The following DPY19L1 variants were observed in gnomAD, a reference collection of about 807,000 sequenced individuals.
DPY19L1 encodes the protein protein C-mannosyl-transferase DPY19L1.
In DPY19L1, 35 loss-of-function variants were observed where a neutral mutation model predicts 96.9. That is an observed-to-expected ratio of 0.36 (90% CI 0.28 to 0.48). The LOEUF (loss-of-function observed/expected upper bound fraction) is 0.48, where lower values mean the gene tolerates loss of function less well. Ranked by LOEUF, DPY19L1 falls within the 20% of genes least tolerant of loss-of-function variation. The pLI is 0.99. For synonymous variants in DPY19L1, 205 were observed against 252.6 expected, an observed-to-expected ratio of 0.81 and a Z score of 1.79; for missense variants, 521 against 777.9, an observed-to-expected ratio of 0.67 and a Z score of 3.93.
At chr7:34,980,591 CAT>C (rs1357232249) in intron 7 of DPY19L1, among the ~76,000 whole-genome samples, 1 of 151,984 alleles carries the variant, frequency 6.6e-6, no homozygotes, top group Non-Finnish European at 1.5e-5. Flanking sequence ...AAAGAGTTCC[CAT>C]ATATGAATAA....
In DPY19L1 at chr7:35,034,215, A is replaced by T. The variant is rs181768157; in HGVS notation, c.298+2882T>A. Among the ~76,000 whole-genome samples, 6 of 152,318 alleles carry T rather than the reference A, an allele frequency of 3.9e-5. No homozygotes were observed. In the East Asian group the frequency reaches 7.7e-4, roughly 20 times the overall value. On this transcript the variant is annotated intron_variant, in intron 1 of 21. Transcript: ENST00000638088. ...CTCATGTTAGTCTTTCACCACAGACATGCTTTGTTTGCATGTCTAATGGGT... is the reference window on the plus strand; with the variant it reads ...CTCATGTTAGTCTTTCACCACAGACTTGCTTTGTTTGCATGTCTAATGGGT...
At position 34,969,422 on chromosome 7, in the gene DPY19L1, A is replaced by AT; in HGVS notation, c.1014+10_1014+11insA. 1 of 1,439,086 alleles carries AT rather than the reference A, an allele frequency of 6.9e-7. No homozygotes were observed. Among genetic ancestry groups the AT allele is most frequent in the Non-Finnish European group, 9.3e-7 (1 of 1,080,972 alleles). The allele number at this position is 1,439,086 out of a possible 1,614,324, so 89.1% of individuals were successfully genotyped here. A position where few individuals can be genotyped will look rare whatever the true frequency, so the allele number is the denominator to read the frequency against. On this transcript the variant is annotated intron_variant, in intron 9 of 21. Coordinates refer to ENST00000638088, the MANE Select transcript of DPY19L1 (RefSeq NM_001366673.1). ...CTAAGCTTAAAACAGCTTAAAATAT[A>AT]ATCACCTCACCTGAGTAAGAAGTAC...
rs112579828 is a variant in DPY19L1, at chr7:35,029,032, G to C, written c.298+8065C>G. Among the ~76,000 whole-genome samples the C allele has an allele frequency of 3.2e-3, 482 of 152,268 alleles. 3 individuals are homozygous for C. The highest frequency in any genetic ancestry group is 0.011 in the African/African-American group (472 of 41,554). ...TTGGCTGGCTTCTTTACCGCATGCT[G>C]TTTTATCAGCAGGGTCTTTGTGACC... On this transcript the variant is annotated intron_variant, in intron 1 of 21. Coordinates refer to ENST00000638088, the MANE Select transcript of DPY19L1 (RefSeq NM_001366673.1).
rs544679935 is a variant in DPY19L1 at position 34,943,684 on chromosome 7, T to C, written c.1545-1045A>G. Among the ~76,000 whole-genome samples, 47 of 152,286 alleles carry C rather than the reference T, an allele frequency of 3.1e-4. 3 individuals are homozygous for C. The highest frequency in any genetic ancestry group is 2.9e-3 in the East Asian group (15 of 5,180). On this transcript the variant is annotated intron_variant, in intron 16 of 21. Transcript: ENST00000638088. ...CTCTGATCCTATTTGAACTGACAAC[T>C]CCATGAAGCTCAATGGTTTCCTATA...
chr7:34,950,296 A>G (rs1251604621), intron 13 of DPY19L1, among the ~76,000 whole-genome samples: 1 of 152,202 alleles, frequency 6.6e-6, no homozygotes, highest in African/African-American at 2.4e-5. Flanking sequence ...AGAAAAAGAA[A>G]TACGAATTCT....
chr7:34,997,050 G>T (rs1293214570), intron 6 of DPY19L1, among the ~76,000 whole-genome samples: 1 of 152,110 alleles, frequency 6.6e-6, no homozygotes, highest in African/African-American at 2.4e-5. Flanking sequence ...AGAGGAAAGA[G>T]GAAAGTCATG....
intron 13 of DPY19L1, among the ~76,000 whole-genome samples, chr7:34,951,666 T>G (rs1388897343): frequency 1.3e-5 from 2 of 150,968 alleles, no homozygotes; most frequent in Admixed American, 1.3e-4. Flanking sequence ...CAAAAAGAAG[T>G]AAGAATAAGA....
intron 7 of DPY19L1, among the ~76,000 whole-genome samples, chr7:34,975,407 T>C (rs1360740508): frequency 3.9e-5 from 6 of 152,200 alleles, no homozygotes; most frequent in Non-Finnish European, 7.3e-5. Flanking sequence ...TTCAATTCTA[T>C]GAAGGCTGAG....
chr7:34,964,243 T>C (rs1164891168), intron 10 of DPY19L1, among the ~76,000 whole-genome samples: 1 of 152,122 alleles, frequency 6.6e-6, no homozygotes, highest in Non-Finnish European at 1.5e-5. Flanking sequence ...ATAAAGTATG[T>C]ATCATTTACC....
chr7:35,031,754 C>T (rs539202233), intron 1 of DPY19L1, among the ~76,000 whole-genome samples: 1 of 152,154 alleles, frequency 6.6e-6, no homozygotes, highest in East Asian at 1.9e-4. Flanking sequence ...TAATGAGCAT[C>T]ACATATTCAG....
chr7:34,954,687 A>T lies in DPY19L1; in HGVS notation c.1320+11T>A, dbSNP rs757944728. On this transcript the variant is annotated intron_variant, in intron 13 of 21. Coordinates refer to ENST00000638088, the MANE Select transcript of DPY19L1 (RefSeq NM_001366673.1). Reference sequence around the variant, plus strand: ...TCAAGTCTTTCAAATTTAAGTAAAAAATGCACTTACGTCATCTGCAATACC... The same window carrying T: ...TCAAGTCTTTCAAATTTAAGTAAAATATGCACTTACGTCATCTGCAATACC... 1.3e-5 allele frequency: 19 copies of T among 1,496,032 alleles called. No homozygotes were observed. Among genetic ancestry groups the T allele is most frequent in the Non-Finnish European group, 1.7e-5 (18 of 1,088,904 alleles). 92.7% of individuals were successfully genotyped at this position (1,496,032 alleles called of 1,614,324 possible).
chr7:34,932,057 T>C, intron 21 of DPY19L1, among the ~76,000 whole-genome samples: 1 of 152,228 alleles, frequency 6.6e-6, no homozygotes, highest in Admixed American at 6.5e-5. Flanking sequence ...TCCCTTGGTC[T>C]TAGTTTTCAC....
At chr7:34,975,874 T>C (rs1220103663) in intron 7 of DPY19L1, among the ~76,000 whole-genome samples, 1 of 152,238 alleles carries the variant, frequency 6.6e-6, no homozygotes, top group South Asian at 2.1e-4. Flanking sequence ...ATTGACCAGA[T>C]ATTTTAAGCC....
At chr7:35,017,501 C>CAAAAAAAAAAAAA (rs1161959357) in intron 3 of DPY19L1, among the ~76,000 whole-genome samples, 4 of 13,680 alleles carry the variant, frequency 2.9e-4, no homozygotes, top group East Asian at 1.5e-3. Context: ...GACTCCGTCT[C>CAAAAAAAAAAAAA]AAAAAAAAAA....
At chr7:34,944,375 AAAAAAAAAAGAAAAATT>A (rs1272963642) in intron 16 of DPY19L1, among the ~76,000 whole-genome samples, 1 of 150,674 alleles carries the variant, frequency 6.6e-6, no homozygotes, top group Non-Finnish European at 1.5e-5. Context: ...CAAAAAAAAA[AAAAAAAAAAGAAAAATT>A]AAAAAAAAGA....
intron 10 of DPY19L1, among the ~76,000 whole-genome samples, chr7:34,959,645 A>G (rs193018825): frequency 6.6e-6 from 1 of 151,642 alleles, no homozygotes; most frequent in Admixed American, 6.6e-5. Context: ...GTCCTCACTC[A>G]TAACTGTCAG....
At chr7:35,036,023 G>A (rs1786389798) in intron 1 of DPY19L1, among the ~76,000 whole-genome samples, 1 of 152,122 alleles carries the variant, frequency 6.6e-6, no homozygotes, top group Non-Finnish European at 1.5e-5. Context: ...AAGTACCCTA[G>A]GAACAACCTT....
At chr7:34,950,145 T>C (rs1268202481) in intron 13 of DPY19L1, among the ~76,000 whole-genome samples, 2 of 152,114 alleles carry the variant, frequency 1.3e-5, no homozygotes, top group African/African-American at 4.8e-5. Context: ...CTTTTTCCCT[T>C]GGGTTTTCCC....
chr7:35,017,743 C>T, intron 3 of DPY19L1, 139 bp downstream of exon 3: 2 of 480,898 alleles, frequency 4.2e-6, no homozygotes. Context: ...TGAAGGAAAA[C>T]TGGCTGTGGC....
Sources: allele counts gnomAD v4.1 joint callset (sites outside exome capture counted in the v4.1 genomes callset), GRCh38; gene constraint gnomAD v4.1.1; transcripts MANE v1.5; gene names NCBI Gene and HGNC (gene_info 2026-07-23, HGNC 2026-07-21).